KBTBD2: variants seen among roughly 807,000 people sequenced by gnomAD.
The protein encoded by KBTBD2 is kelch repeat and BTB domain containing 2.
KBTBD2 carries 17 observed loss-of-function variants against 57.1 expected under a neutral mutation model. That is an observed-to-expected ratio of 0.30 (90% CI 0.20 to 0.45). KBTBD2 has a LOEUF of 0.45. KBTBD2 is among the 20% of genes least tolerant of loss of function. The pLI is 1.00. For synonymous variants in KBTBD2, 267 were observed against 262.7 expected, an observed-to-expected ratio of 1.02 and a Z score of -0.16; for missense variants, 515 against 750.6, an observed-to-expected ratio of 0.69 and a Z score of 3.67.
chr7:32,882,419 G>C (rs930919103), intron 1 of KBTBD2, among the ~76,000 whole-genome samples: 16 of 151,966 alleles, frequency 1.1e-4, no homozygotes, highest in African/African-American at 3.9e-4. Context: ...ATGATTTTGG[G>C]GAGGCCTCAT....
At chr7:32,881,596 AAAGT>A (rs1784445741) in intron 1 of KBTBD2, among the ~76,000 whole-genome samples, 2 of 152,194 alleles carry the variant, frequency 1.3e-5, no homozygotes, top group African/African-American at 2.4e-5. Flanking sequence ...GTTAACTTTG[AAAGT>A]AACTAAAACA....
At chr7:32,880,971 T>C (rs1391170712) in intron 1 of KBTBD2, among the ~76,000 whole-genome samples, 1 of 151,898 alleles carries the variant, frequency 6.6e-6, no homozygotes, top group Non-Finnish European at 1.5e-5. Context: ...CGTGGTAGTG[T>C]GTGCCTGTAA....
intron 1 of KBTBD2, chr7:32,891,254 A>C: frequency 6.7e-6 from 1 of 149,344 alleles, no homozygotes; most frequent in African/African-American, 2.4e-5. Context: ...CGGGGCCGGA[A>C]ACGCCCAGCT....
chr7:32,890,052 T>G (rs151192592), intron 1 of KBTBD2, among the ~76,000 whole-genome samples: 23 of 151,346 alleles, frequency 1.5e-4, no homozygotes, highest in African/African-American at 4.6e-4. Flanking sequence ...TTATAATGCT[T>G]CTTATGAGAG....
At chr7:32,871,253 T>C (rs180801644) in intron 3 of KBTBD2, among the ~76,000 whole-genome samples, 62 of 152,308 alleles carry the variant, frequency 4.1e-4, no homozygotes, top group African/African-American at 1.4e-3. Flanking sequence ...AATCATAGTA[T>C]AGAGAAAATT....
At chr7:32,890,837 A>AG (rs1223066226) in intron 1 of KBTBD2, 1 of 152,208 alleles carries the variant, frequency 6.6e-6, no homozygotes, top group African/African-American at 2.4e-5. Flanking sequence ...GCTAAGCCCA[A>AG]GGGAAAAAAA....
intron 2 of KBTBD2, among the ~76,000 whole-genome samples, chr7:32,878,170 G>A (rs970751403): frequency 6.6e-6 from 1 of 151,932 alleles, no homozygotes; most frequent in Non-Finnish European, 1.5e-5. Flanking sequence ...TTGAGCCTTA[G>A]CTTCTGCAAT....
chr7:32,873,007 C>CA (rs771326328), intron 3 of KBTBD2, among the ~76,000 whole-genome samples: 3 of 152,250 alleles, frequency 2.0e-5, no homozygotes. Flanking sequence ...CAACCAGTGT[C>CA]ATGCATACTC....
intron 1 of KBTBD2, among the ~76,000 whole-genome samples, chr7:32,881,126 A>T (rs1317692746): frequency 6.6e-6 from 1 of 151,768 alleles, no homozygotes; most frequent in Non-Finnish European, 1.5e-5. Context: ...GAAATTAGAT[A>T]TGATAAAGAT....
intron 1 of KBTBD2, among the ~76,000 whole-genome samples, chr7:32,886,585 T>C (rs1784587289): frequency 6.6e-6 from 1 of 152,194 alleles, no homozygotes; most frequent in African/African-American, 2.4e-5. Flanking sequence ...CCTTGGATTT[T>C]CATATCCCAA....
chr7:32,873,805 A>T (rs982717422), intron 3 of KBTBD2, among the ~76,000 whole-genome samples: 4 of 152,230 alleles, frequency 2.6e-5, no homozygotes, highest in African/African-American at 7.2e-5. Context: ...CGAAACCAGT[A>T]TAAAATTTTC....
chr7:32,879,379 T>A (rs1440075844), intron 2 of KBTBD2, 56 bp downstream of exon 2: 2 of 1,365,754 alleles, frequency 1.5e-6, no homozygotes, highest in African/African-American at 3.0e-5. Flanking sequence ...TGTGGCTTTT[T>A]AAAAAATTAA....
intron 1 of KBTBD2, among the ~76,000 whole-genome samples, chr7:32,886,395 A>G (rs1328325957): frequency 6.6e-6 from 1 of 152,242 alleles, no homozygotes; most frequent in Non-Finnish European, 1.5e-5. Flanking sequence ...GTTTTGAAAC[A>G]TTGTTACTAA....
At chr7:32,885,804 G>A (rs781670296) in intron 1 of KBTBD2, among the ~76,000 whole-genome samples, 5 of 151,924 alleles carry the variant, frequency 3.3e-5, no homozygotes, top group South Asian at 2.1e-4. Context: ...TAAGTCCTGC[G>A]CTCAATTCAG....
chr7:32,884,072 TGTA>T (rs1204663087), intron 1 of KBTBD2, among the ~76,000 whole-genome samples: 1 of 152,214 alleles, frequency 6.6e-6, no homozygotes. Flanking sequence ...TAAGAAAAAT[TGTA>T]GTACAGGTAA....
At chr7:32,889,724 T>C (rs772095294) in intron 1 of KBTBD2, among the ~76,000 whole-genome samples, 3 of 152,236 alleles carry the variant, frequency 2.0e-5, no homozygotes, top group African/African-American at 4.8e-5. Flanking sequence ...TTTTCACTCA[T>C]ATTTTATGAC....
intron 2 of KBTBD2, among the ~76,000 whole-genome samples, chr7:32,877,900 G>C (rs900387360): frequency 1.3e-5 from 2 of 151,542 alleles, no homozygotes; most frequent in African/African-American, 4.9e-5. Context: ...CTTGAGATCA[G>C]GAGTTTGAGA....
intron 1 of KBTBD2, chr7:32,891,194 G>T (rs1233418138): frequency 6.6e-6 from 1 of 151,062 alleles, no homozygotes; most frequent in African/African-American, 2.4e-5. Context: ...GGCGCGAGCC[G>T]AGGCCAAGGC....
intron 1 of KBTBD2, among the ~76,000 whole-genome samples, chr7:32,890,407 C>T (rs62467371): frequency 0.066 from 9,923 of 150,498 alleles, 354 homozygotes; most frequent in East Asian, 0.12. Context: ...GGAAAAAAGT[C>T]CTTATCAAAG....
Sources: allele counts gnomAD v4.1 joint callset (sites outside exome capture counted in the v4.1 genomes callset), GRCh38; gene constraint gnomAD v4.1.1; transcripts MANE v1.5; gene names NCBI Gene and HGNC (gene_info 2026-07-23, HGNC 2026-07-21).